Variants in TMEM131 observed in about 807,000 individuals in gnomAD.
TMEM131 encodes 2610524E03Rik.
Under a neutral mutation model 211.6 loss-of-function variants are expected in TMEM131, and 66 were observed. That is an observed-to-expected ratio of 0.31 (90% CI 0.26 to 0.38). The LOEUF is 0.38. Ranked by LOEUF, TMEM131 falls within the 10% of genes least tolerant of loss-of-function variation. The probability of loss-of-function intolerance (pLI) is 1.00; values close to 1 mark genes in which losing one functional copy is unlikely to be tolerated. For missense variants in TMEM131, 2,036 were observed against 2,299.3 expected, an observed-to-expected ratio of 0.89 and a Z score of 2.34; for synonymous variants, 844 against 841.3, an observed-to-expected ratio of 1.00 and a Z score of -0.06.
At chr2:97,813,087 C>T (rs184277012) in intron 15 of TMEM131, among the ~76,000 whole-genome samples, 5 of 152,082 alleles carry the variant, frequency 3.3e-5, no homozygotes, top group African/African-American at 4.8e-5. Flanking sequence ...CTTTGTATGA[C>T]GAAAGTCTTT....
chr2:97,960,503 T>C (rs551453574), intron 1 of TMEM131, among the ~76,000 whole-genome samples: 13 of 152,152 alleles, frequency 8.5e-5, no homozygotes, highest in Non-Finnish European at 1.6e-4. Context: ...CCATTAGTCC[T>C]GGAGCACATG....
chr2:97,875,957 T>G (rs1269712871), intron 4 of TMEM131, among the ~76,000 whole-genome samples: 2 of 151,980 alleles, frequency 1.3e-5, no homozygotes, highest in Non-Finnish European at 2.9e-5. Context: ...GTCAACAAAA[T>G]AGATAGACCA....
At chr2:97,930,986 T>C (rs1206014973) in intron 1 of TMEM131, among the ~76,000 whole-genome samples, 1 of 151,908 alleles carries the variant, frequency 6.6e-6, no homozygotes, top group Non-Finnish European at 1.5e-5. Flanking sequence ...CAGAGAGATA[T>C]ACTTAGCAAG....
At chr2:97,867,281 G>A (rs1674312104) in intron 4 of TMEM131, among the ~76,000 whole-genome samples, 1 of 152,156 alleles carries the variant, frequency 6.6e-6, no homozygotes, top group African/African-American at 2.4e-5. Flanking sequence ...TGGGGATACT[G>A]AAGACTGTCA....
chr2:97,824,603 T>C (rs1682286779), intron 11 of TMEM131, among the ~76,000 whole-genome samples: 1 of 152,170 alleles, frequency 6.6e-6, no homozygotes, highest in African/African-American at 2.4e-5. Flanking sequence ...TACATGAATA[T>C]GGGGAACAAG....
Position 97,805,705 on chromosome 2 carries a change from T to C in TMEM131, c.2056-2A>G. 4.4e-6 allele frequency: 7 copies of C among 1,581,618 alleles called. No individual in the cohort carries two copies. The highest frequency in any genetic ancestry group is 6.0e-6 in the Non-Finnish European group (7 of 1,162,120). On this transcript the variant is annotated splice_acceptor_variant, in intron 19 of 40. Transcript: ENST00000186436. LOFTEE classifies it high-confidence loss of function. ...TAAACTTTGATGAACTATTTTCCCC[T>C]GAAGGAAGAAAGCAAAGAACAAACT...
chr2:97,971,908 A>G (rs1261729871), intron 1 of TMEM131, among the ~76,000 whole-genome samples: 2 of 152,122 alleles, frequency 1.3e-5, no homozygotes, highest in African/African-American at 4.8e-5. Context: ...ACAATTCTTC[A>G]CTGTCATCAA....
chr2:97,983,073 T>C (rs965596452), intron 1 of TMEM131, among the ~76,000 whole-genome samples: 1 of 152,222 alleles, frequency 6.6e-6, no homozygotes, highest in African/African-American at 2.4e-5. Flanking sequence ...ACAAAAGGGC[T>C]GTAGAAGCTC....
chr2:97,869,584 G>T (rs117799400), intron 4 of TMEM131, among the ~76,000 whole-genome samples: 1 of 152,174 alleles, frequency 6.6e-6, no homozygotes, highest in Non-Finnish European at 1.5e-5. Flanking sequence ...TAGTCGTTGC[G>T]TGCTCAAACA....
At chr2:97,935,470 T>C (rs902008488) in intron 1 of TMEM131, among the ~76,000 whole-genome samples, 29 of 152,330 alleles carry the variant, frequency 1.9e-4, no homozygotes, top group African/African-American at 7.0e-4. Flanking sequence ...GGTAATTAGT[T>C]CTACCTGCTC....
chr2:97,852,356 C>A (rs541816691), intron 5 of TMEM131, among the ~76,000 whole-genome samples: 1 of 152,238 alleles, frequency 6.6e-6, no homozygotes, highest in South Asian at 2.1e-4. Flanking sequence ...TGGGGTTTCA[C>A]CACGTTGGCC....
intron 40 of TMEM131, among the ~76,000 whole-genome samples, chr2:97,758,131 C>CAA (rs539032323): frequency 5.8e-5 from 5 of 86,030 alleles, no homozygotes; most frequent in Admixed American, 1.2e-4. Flanking sequence ...GACTCTGTCT[C>CAA]AAAAAAAAAA....
intron 31 of TMEM131, among the ~76,000 whole-genome samples, chr2:97,792,054 C>T (rs1463813443): frequency 2.0e-5 from 3 of 152,310 alleles, no homozygotes; most frequent in Middle Eastern, 3.4e-3. Flanking sequence ...AGATGATCTC[C>T]ATTTTACTCC....
chr2:97,823,475 C>T (rs1374395146), intron 11 of TMEM131, among the ~76,000 whole-genome samples: 1 of 152,142 alleles, frequency 6.6e-6, no homozygotes, highest in Non-Finnish European at 1.5e-5. Flanking sequence ...CAAACCCTGG[C>T]CTTTAATGAA....
intron 4 of TMEM131, among the ~76,000 whole-genome samples, chr2:97,885,813 T>C (rs1573509885): frequency 6.6e-6 from 1 of 152,220 alleles, no homozygotes; most frequent in East Asian, 1.9e-4. Flanking sequence ...TGGATGTCCA[T>C]CTCAAATTTC....
chr2:97,794,917 C>T lies in TMEM131; in HGVS notation c.3386+13G>A. The stretch of plus-strand genomic sequence containing the variant: ...TGTTGAATGAATATGAACCTTGAAA[C>T]AAGACACAATACCTCATTATTCCTG... On this transcript the variant is annotated intron_variant, in intron 29 of 40. Transcript: ENST00000186436. The T allele has an allele frequency of 6.4e-7, 1 of 1,553,796 alleles. No homozygotes were observed. Among genetic ancestry groups the T allele is most frequent in the Non-Finnish European group, 8.7e-7 (1 of 1,148,820 alleles).
At chr2:97,916,723 G>A (rs1342437096) in intron 2 of TMEM131, among the ~76,000 whole-genome samples, 2 of 152,150 alleles carry the variant, frequency 1.3e-5, no homozygotes, top group Non-Finnish European at 2.9e-5. Flanking sequence ...ATTGCAGAGC[G>A]GTTAAAAACT....
chr2:97,769,459 A>G (rs1359098405), intron 33 of TMEM131, among the ~76,000 whole-genome samples: 1 of 151,960 alleles, frequency 6.6e-6, no homozygotes, highest in East Asian at 1.9e-4. Context: ...TGGGGAGGAG[A>G]GAGGCAGAGC....
chr2:97,793,769 T>G (rs963682072), intron 29 of TMEM131, among the ~76,000 whole-genome samples: 1 of 151,394 alleles, frequency 6.6e-6, no homozygotes, highest in Non-Finnish European at 1.5e-5. Flanking sequence ...CCGAGGCGGG[T>G]GGATCACGAG....
Sources: gnomAD v4.1 joint callset for allele counts (sites outside exome capture counted in the v4.1 genomes callset) on GRCh38, gnomAD v4.1.1 for gene constraint, MANE v1.5 for transcripts, NCBI Gene and HGNC (gene_info 2026-07-23, HGNC 2026-07-21) for gene names.